Variants in NEK9 observed in about 807,000 individuals in gnomAD.
NEK9 encodes NIMA related kinase 9.
In NEK9, 75 loss-of-function variants were observed where a neutral mutation model predicts 123.4. That is an observed-to-expected ratio of 0.61 (90% confidence interval 0.50 to 0.74). The LOEUF (loss-of-function observed/expected upper bound fraction) is 0.74, where lower values mean the gene tolerates loss of function less well. Ranked by LOEUF, NEK9 falls within the 30% of genes least tolerant of loss-of-function variation. NEK9 has a pLI of 0.00. For missense variants in NEK9, 952 were observed against 1,214.4 expected (o/e 0.78, Z 3.21); for synonymous variants, 438 against 458.7 (o/e 0.95, Z 0.58).
chr14:75,085,406 A>G (rs532762054), intron 21 of NEK9, among the ~76,000 whole-genome samples: 2 of 152,386 alleles, frequency 1.3e-5, no homozygotes, highest in East Asian at 3.9e-4. Context: ...AGAGAAAACA[A>G]AGTAGCCCAA....
At chr14:75,086,717 C>T in intron 21 of NEK9, 1 of 316,312 alleles carries the variant, frequency 3.2e-6, no homozygotes, top group Admixed American at 4.0e-5. Context: ...ACCATCCTGG[C>T]CAACACGGTG....
At chr14:75,122,581 T>C (rs175453) in intron 2 of NEK9, among the ~76,000 whole-genome samples, 75,616 of 151,664 alleles carry the variant, frequency 0.5, 19,398 homozygotes, top group Middle Eastern at 0.57. Context: ...CTCCACTCAC[T>C]GCAACCTCCA....
rs763787281 is a variant in NEK9, at chr14:75,097,077, C to A, written c.2173+23G>T. On this transcript the variant is annotated intron_variant, in intron 17 of 21. Coordinates refer to ENST00000238616, the MANE Select transcript of NEK9 (RefSeq NM_033116.6). The stretch of plus-strand genomic sequence containing the variant: ...CCATCCTCTGTCAAAGCCATCCCAA[C>A]CCCAGACATATGAAACTCTTACCAA... 5.1e-6 allele frequency: 8 copies of A among 1,583,418 alleles called. No homozygotes were observed. The Admixed American group carries it at 1.4e-4, about 28-fold the overall frequency.
upstream of NEK9, chr14:75,127,176 G>T (rs747010932): frequency 1.6e-4 from 70 of 443,810 alleles, no homozygotes; most frequent in Middle Eastern, 5.8e-4. Flanking sequence ...GGCCTGCAAA[G>T]TGAGGCCTCG....
At position 75,083,505 on chromosome 14, in the gene NEK9, T is replaced by C. The variant is rs1555350626; in HGVS notation, c.*1059A>G. 1 of 160,852 alleles carries C rather than the reference T, an allele frequency of 6.2e-6. No individual in the cohort carries two copies. The highest frequency in any genetic ancestry group is 1.3e-5 in the Non-Finnish European group (1 of 74,078). 10.0% of individuals were successfully genotyped at this position (160,852 alleles called of 1,614,324 possible). On this transcript the variant is annotated 3_prime_UTR_variant, in exon 22 of 22. Coordinates refer to ENST00000238616, the MANE Select transcript of NEK9 (RefSeq NM_033116.6). ...TGGGCCACTCAGGTAGGAAAAATGATACAGATTCATTCGTTACCACATGGC... is the reference window on the plus strand; with the variant it reads ...TGGGCCACTCAGGTAGGAAAAATGACACAGATTCATTCGTTACCACATGGC...
chr14:75,108,630 T>C lies in NEK9; in HGVS notation c.1182+1055A>G, dbSNP rs182949571. 1.9e-3 allele frequency among the ~76,000 whole-genome samples: 288 copies of C among 151,246 alleles called. 2 individuals carry two copies. The highest frequency in any genetic ancestry group is 6.4e-3 in the African/African-American group (265 of 41,158). On this transcript the variant is annotated intron_variant, in intron 10 of 21. Coordinates refer to ENST00000238616, the MANE Select transcript of NEK9 (RefSeq NM_033116.6). The stretch of plus-strand genomic sequence containing the variant: ...AGTGCAGTGGTGCAATCTTGGTTCA[T>C]TGCAATCTCCACCTCCCAGGCTCAA...
rs1166557882 is a variant in NEK9, at chr14:75,106,349, ACT to A, written c.1528+151_1528+152del. The A allele has an allele frequency of 2.2e-5, 15 of 680,536 alleles. No homozygotes were observed. In the East Asian group the frequency reaches 4.2e-4, roughly 19 times the overall value. The allele number at this position is 680,536 out of a possible 1,614,324, so 42.2% of individuals were successfully genotyped here. On this transcript the variant is annotated intron_variant, in intron 12 of 21. Transcript: ENST00000238616. ...ACTCCAGCCTGGGTGACAGAGAGAG[ACT>A]CTGTCTCGAGAAAAAAAAAAAAAAA...
chr14:75,117,360 C>T, intron 5 of NEK9, 34 bp from the exon 6 acceptor site: 1 of 1,582,150 alleles, frequency 6.3e-7, no homozygotes, highest in Non-Finnish European at 8.6e-7. Flanking sequence ...AGAATAACTT[C>T]TTTTCTGAGG....
Position 75,082,882 on chromosome 14 carries a change from A to T in NEK9, c.*1682T>A. 2.5e-6 allele frequency: 1 copy of T among 398,084 alleles called. No individual in the cohort carries two copies. Among genetic ancestry groups the T allele is most frequent in the East Asian group, 3.6e-5 (1 of 28,092 alleles). 24.7% of individuals were successfully genotyped at this position (398,084 alleles called of 1,614,324 possible). ...GTCCCCAGAACTTGCAACTTTAATC[A>T]AAGTTTGGCTGCTTCCCTTATTTCA... On this transcript the variant is annotated 3_prime_UTR_variant, in exon 22 of 22. Coordinates refer to ENST00000238616, the MANE Select transcript of NEK9 (RefSeq NM_033116.6).
intron 20 of NEK9, 55 bp downstream of exon 20, chr14:75,088,425 G>T (rs950501159): frequency 6.4e-7 from 1 of 1,570,068 alleles, no homozygotes; most frequent in Non-Finnish European, 8.7e-7. Context: ...GAACCAGGCA[G>T]AGCTTGCAGT....
chr14:75,119,291 C>T lies in NEK9; in HGVS notation c.525-356G>A, dbSNP rs142763877. Among the ~76,000 whole-genome samples the T allele has an allele frequency of 7.5e-4, 114 of 151,864 alleles. 3 individuals carry two copies. The East Asian group carries it at 0.017, about 22-fold the overall frequency. On this transcript the variant is annotated intron_variant, in intron 4 of 21. Transcript: ENST00000238616. Reference sequence around the variant, plus strand: ...TTGCACCACTACATTCCAGCCTGGGCAACAGGGTGAGACCCTGTCTCAAAA... The same window carrying T: ...TTGCACCACTACATTCCAGCCTGGGTAACAGGGTGAGACCCTGTCTCAAAA...
chr14:75,112,268 C>T (rs1045144673), intron 8 of NEK9, among the ~76,000 whole-genome samples: 4 of 152,070 alleles, frequency 2.6e-5, no homozygotes, highest in African/African-American at 9.7e-5. Context: ...GAGGAAGAAG[C>T]GTAGCAAGGC....
chr14:75,124,287 A>C (rs1006231142), intron 1 of NEK9, 64 bp from the exon 2 acceptor site: 29 of 1,480,222 alleles, frequency 2.0e-5, no homozygotes, highest in Non-Finnish European at 2.1e-5. Flanking sequence ...ATCCACACCT[A>C]GATCTGTAAG....
At chr14:75,117,085 A>C in intron 6 of NEK9, 110 bp downstream of exon 6, 2 of 1,249,252 alleles carry the variant, frequency 1.6e-6, no homozygotes, top group Non-Finnish European at 2.2e-6. Context: ...ACCTGAATAC[A>C]GGTTATTTTT....
At chr14:75,088,445 C>T (rs1894095461) in intron 20 of NEK9, 35 bp downstream of exon 20, 1 of 1,606,516 alleles carries the variant, frequency 6.2e-7, no homozygotes, top group South Asian at 1.1e-5. Context: ...TGACTGTTTA[C>T]CTAGTTGTGA....
chr14:75,115,851 A>C (rs934540398), intron 6 of NEK9, among the ~76,000 whole-genome samples: 7 of 152,210 alleles, frequency 4.6e-5, no homozygotes, highest in Admixed American at 3.9e-4. Flanking sequence ...ACTGCTTTAT[A>C]TCAGGTTGTA....
At chr14:75,094,531 C>T (rs1260953329) in intron 18 of NEK9, among the ~76,000 whole-genome samples, 1 of 152,190 alleles carries the variant, frequency 6.6e-6, no homozygotes, top group Non-Finnish European at 1.5e-5. Flanking sequence ...CATGGTGGCT[C>T]ATGCCTGTAA....
chr14:75,090,724 A>G (rs1171724597), intron 19 of NEK9, among the ~76,000 whole-genome samples: 1 of 152,016 alleles, frequency 6.6e-6, no homozygotes, highest in Non-Finnish European at 1.5e-5. Context: ...GGTGCACACT[A>G]CTACACCCGG....
At chr14:75,108,282 G>C (rs550394787) in intron 10 of NEK9, among the ~76,000 whole-genome samples, 1 of 151,474 alleles carries the variant, frequency 6.6e-6, no homozygotes, top group African/African-American at 2.4e-5. Context: ...CCGCCACCAC[G>C]CCTGGCTAAT....
Sources: gnomAD v4.1 joint callset for allele counts (sites outside exome capture counted in the v4.1 genomes callset) on GRCh38, gnomAD v4.1.1 for gene constraint, MANE v1.5 for transcripts, NCBI Gene and HGNC (gene_info 2026-07-23, HGNC 2026-07-21) for gene names.